FAM171A1: variants seen among roughly 807,000 people sequenced by gnomAD.
The protein encoded by FAM171A1 is family with sequence similarity 171 member A1, also known as protein FAM171A1.
In FAM171A1, 23 loss-of-function variants were observed where a neutral mutation model predicts 74.9. The ratio of observed to expected loss-of-function variants is 0.31; its 90% CI spans 0.22 to 0.44. The LOEUF (loss-of-function observed/expected upper bound fraction) is 0.44. FAM171A1 is among the 20% of genes least tolerant of loss of function. FAM171A1 has a pLI of 1.00. For synonymous variants in FAM171A1, 527 were observed against 505.7 expected (o/e 1.04, Z -0.57); for missense variants, 1,162 against 1,159.2 (o/e 1.00, Z -0.03).
chr10:15,213,283 C>T lies in FAM171A1; in HGVS notation c.2305G>A (p.Val769Ile), dbSNP rs1425442305. 6 of 1,614,016 alleles carry T rather than the reference C, an allele frequency of 3.7e-6. No homozygotes were observed. Among genetic ancestry groups the T allele is most frequent in the African/African-American group, 2.7e-5 (2 of 75,000 alleles). Residue 769 changes from valine to isoleucine, a missense_variant, in exon 8 of 8, where the codon GTC becomes ATC. Val to Ile is a conservative substitution (Grantham distance 29, BLOSUM62 3). Coordinates refer to ENST00000378116, the MANE Select transcript of FAM171A1 (RefSeq NM_001010924.2). The surrounding 1 kb of genome is among the most constrained non-coding windows in gnomAD (Gnocchi z 6.8). ...GGCTCTTTCTGCTGGTGCTCTTGGA[C>T]GGGCGGGTAGTTCTGCTGCAGAGAC... ...ALSLQQNYPP[V>I]QEHQQKEPRA... is the part of the protein sequence containing the mutation.
chr10:15,283,764 T>A (rs549813191), intron 2 of FAM171A1, 114 bp downstream of exon 2: 2 of 993,488 alleles, frequency 2.0e-6, no homozygotes, highest in African/African-American at 3.3e-5. Context: ...TTAAATTTTT[T>A]TGTAGAGATG....
chr10:15,307,133 C>T (rs1835305331), intron 1 of FAM171A1, among the ~76,000 whole-genome samples: 1 of 152,192 alleles, frequency 6.6e-6, no homozygotes, highest in African/African-American at 2.4e-5. Flanking sequence ...ATCAGCCCAC[C>T]CGCAAGAGGG....
rs571023429 is a variant in FAM171A1 at position 15,239,452 on chromosome 10, A to G, written c.754+9187T>C. 1.1e-4 allele frequency among the ~76,000 whole-genome samples: 16 copies of G among 152,014 alleles called. No homozygotes were observed. The South Asian group carries it at 3.3e-3, about 32-fold the overall frequency. On this transcript the variant is annotated intron_variant, in intron 5 of 7. Transcript: ENST00000378116. ...GCTGGGATTAGAGGCACCCACCACC[A>G]CACCCGGCTCCAGCTAATTTTTGTA...
At chr10:15,245,614 G>GA (rs1479443763) in intron 5 of FAM171A1, among the ~76,000 whole-genome samples, 1 of 152,248 alleles carries the variant, frequency 6.6e-6, no homozygotes, top group Non-Finnish European at 1.5e-5. Context: ...AACTAGATCA[G>GA]AAAGGCTAAG....
intron 2 of FAM171A1, among the ~76,000 whole-genome samples, chr10:15,278,661 G>T (rs11259593): frequency 6.6e-6 from 1 of 152,146 alleles, no homozygotes; most frequent in African/African-American, 2.4e-5. Flanking sequence ...AAAAAGCCAC[G>T]TATTCCAAGA....
At chr10:15,274,695 C>T (rs1193067569) in intron 3 of FAM171A1, among the ~76,000 whole-genome samples, 1 of 152,116 alleles carries the variant, frequency 6.6e-6, no homozygotes, top group Admixed American at 6.6e-5. Context: ...GACATATAGA[C>T]CAATGGAACA....
At chr10:15,357,916 T>C (rs1006139548) in intron 1 of FAM171A1, among the ~76,000 whole-genome samples, 5 of 152,240 alleles carry the variant, frequency 3.3e-5, no homozygotes, top group African/African-American at 1.2e-4. Flanking sequence ...GGTCCCATAA[T>C]ACCATCTATC....
intron 2 of FAM171A1, 85 bp downstream of exon 2, chr10:15,283,793 C>T: frequency 2.9e-6 from 4 of 1,368,534 alleles, no homozygotes; most frequent in Non-Finnish European, 4.1e-6. Context: ...CTATGTTGCC[C>T]AAGCTGGTTT....
At chr10:15,317,249 G>A (rs951820446) in intron 1 of FAM171A1, among the ~76,000 whole-genome samples, 1 of 152,100 alleles carries the variant, frequency 6.6e-6, no homozygotes, top group East Asian at 1.9e-4. Flanking sequence ...GACAGGGGTC[G>A]CATTCAGCTT....
chr10:15,255,836 C>T (rs980616901), intron 3 of FAM171A1, among the ~76,000 whole-genome samples: 16 of 152,048 alleles, frequency 1.1e-4, no homozygotes, highest in Admixed American at 9.2e-4. Context: ...TTAGTAGAGG[C>T]AGGGTTTCAC....
intron 6 of FAM171A1, among the ~76,000 whole-genome samples, chr10:15,216,538 C>A (rs1833969162): frequency 6.6e-6 from 1 of 152,116 alleles, no homozygotes; most frequent in South Asian, 2.1e-4. Flanking sequence ...TGCATCAATC[C>A]TCCTGCCTCA....
chr10:15,271,551 G>A (rs562840305), intron 3 of FAM171A1, among the ~76,000 whole-genome samples: 16 of 152,232 alleles, frequency 1.1e-4, no homozygotes, highest in African/African-American at 3.6e-4. Flanking sequence ...GATACTCCTC[G>A]AGAAGAGCAA....
intron 4 of FAM171A1, among the ~76,000 whole-genome samples, chr10:15,250,594 C>CA (rs1328016578): frequency 6.6e-5 from 10 of 152,080 alleles, no homozygotes; most frequent in East Asian, 3.9e-4. Context: ...CCCGTTTGCA[C>CA]AAAAAAATAC....
Position 15,314,951 on chromosome 10 carries a change from TCAGCTGAG to T in FAM171A1, c.98-30854_98-30847del, listed in dbSNP as rs1263788295. On this transcript the variant is annotated intron_variant, in intron 1 of 7. Coordinates refer to ENST00000378116, the MANE Select transcript of FAM171A1 (RefSeq NM_001010924.2). The stretch of plus-strand genomic sequence containing the variant: ...TTCCTCCGGGATGGGTGGCTGAGTT[TCAGCTGAG>T]CCTAGCCTTTCCTCATATCAGAATG... 2.3e-3 allele frequency among the ~76,000 whole-genome samples: 345 copies of T among 152,372 alleles called. 1 individual carries two copies. The highest frequency in any genetic ancestry group is 8.0e-3 in the African/African-American group (333 of 41,588).
rs780670877 is a variant in FAM171A1, at chr10:15,221,044, G to A, written c.771C>T (p.Ser257=). Residue 257 remains serine (S), a synonymous_variant, in exon 6 of 8, where the codon AGC becomes AGT. Transcript: ENST00000378116. The part of the protein sequence containing the change: ...FDQKLGTWLK[S]GLGLVHQEGS... ...CTTCCTGGTGCACAAGACCCAGACC[G>A]CTCTTCAGCCACGTTCCTGTGGAAT... The A allele has an allele frequency of 8.7e-6, 14 of 1,613,838 alleles. No individual in the cohort carries two copies. Among genetic ancestry groups the A allele is most frequent in the East Asian group, 4.5e-5 (2 of 44,854 alleles).
chr10:15,237,544 A>C (rs10906872), intron 5 of FAM171A1: 31 of 151,746 alleles, frequency 2.0e-4, no homozygotes, highest in African/African-American at 7.0e-4. Context: ...GCCTTCCTGC[A>C]CTCCATTGGA....
intron 7 of FAM171A1, 53 bp downstream of exon 7, chr10:15,215,943 T>C (rs1833961630): frequency 8.3e-7 from 1 of 1,200,134 alleles, no homozygotes; most frequent in African/African-American, 1.5e-5. Flanking sequence ...AAGTATCAAT[T>C]GCCCAAGAAA....
intron 1 of FAM171A1, among the ~76,000 whole-genome samples, chr10:15,369,593 G>T (rs1057181001): frequency 3.9e-5 from 6 of 152,192 alleles, no homozygotes; most frequent in Admixed American, 2.0e-4. Flanking sequence ...ATGCATTTAA[G>T]ATATACCAGG....
intron 6 of FAM171A1, among the ~76,000 whole-genome samples, chr10:15,218,329 T>C (rs1316592590): frequency 6.6e-6 from 1 of 152,106 alleles, no homozygotes; most frequent in Non-Finnish European, 1.5e-5. Context: ...TTCGCCCACT[T>C]TGGCCTCCCA....
Sources: allele counts gnomAD v4.1 joint callset (sites outside exome capture counted in the v4.1 genomes callset), GRCh38; gene constraint gnomAD v4.1.1; non-coding constraint Gnocchi (gnomAD v3.1); transcripts MANE v1.5; gene names NCBI Gene and HGNC (gene_info 2026-07-23, HGNC 2026-07-21).